Variants in FER1L6 observed in about 807,000 individuals in gnomAD.
FER1L6 encodes fer-1-like protein 6.
A neutral mutation model predicts 219.2 loss-of-function variants in FER1L6; 177 were observed. That is an observed-to-expected ratio of 0.81 (90% CI 0.71 to 0.91). FER1L6 has a LOEUF of 0.91. FER1L6 is among the 40% of genes least tolerant of loss of function. The pLI, the probability that FER1L6 is intolerant of heterozygous loss-of-function variation, is 0.00. For missense variants in FER1L6, 2,153 were observed against 2,259.9 expected, an observed-to-expected ratio of 0.95 and a Z score of 0.96; for synonymous variants, 768 against 824.3, an observed-to-expected ratio of 0.93 and a Z score of 1.17.
chr8:123,922,975 C>T (rs553644669), intron 1 of FER1L6, among the ~76,000 whole-genome samples: 51 of 151,370 alleles, frequency 3.4e-4, no homozygotes, highest in African/African-American at 9.6e-4. Flanking sequence ...TTATACAGCC[C>T]CCCCCCAGAC....
At chr8:123,969,134 C>T (rs1188799511) in intron 5 of FER1L6, among the ~76,000 whole-genome samples, 1 of 152,094 alleles carries the variant, frequency 6.6e-6, no homozygotes, top group Non-Finnish European at 1.5e-5. Flanking sequence ...AAGGTTTGGT[C>T]CCAGACCCAA....
At chr8:123,939,210 A>G (rs1015317476) in intron 1 of FER1L6, 6 of 984,250 alleles carry the variant, frequency 6.1e-6, no homozygotes, top group Non-Finnish European at 7.2e-6. Context: ...TAAATAACAC[A>G]TCTTGTCCAT....
chr8:124,095,143 A>G (rs1822225402), intron 35 of FER1L6, 105 bp downstream of exon 35: 1 of 1,426,426 alleles, frequency 7.0e-7, no homozygotes, highest in Non-Finnish European at 9.5e-7. Context: ...ACATTTAGCA[A>G]TGTCTGGAAT....
At chr8:124,063,410 T>C (rs1820681294) in intron 25 of FER1L6, among the ~76,000 whole-genome samples, 1 of 152,242 alleles carries the variant, frequency 6.6e-6, no homozygotes, top group African/African-American at 2.4e-5. Flanking sequence ...TTCTGCTAGC[T>C]TTATAGTTTT....
rs763112428 is a variant in FER1L6 at position 123,853,072 on chromosome 8, G to A, written c.-8+887G>A. On this transcript the variant is annotated intron_variant, in intron 1 of 40. Coordinates refer to ENST00000522917, the MANE Select transcript of FER1L6 (RefSeq NM_001039112.2). This position sits in a 1 kb window ranked among gnomAD's most constrained non-coding sequence, Gnocchi z 6.6. ...TTGCTCAGGTTGGTCTCAAACTCCTGGGCTCAAGCGATCCTCCTGCCTCAG... is the reference window on the plus strand; with the variant it reads ...TTGCTCAGGTTGGTCTCAAACTCCTAGGCTCAAGCGATCCTCCTGCCTCAG... 2.2e-4 allele frequency among the ~76,000 whole-genome samples: 34 copies of A among 152,158 alleles called. No individual in the cohort carries two copies. Among genetic ancestry groups the A allele is most frequent in the South Asian group, 8.3e-4 (4 of 4,836 alleles).
At chr8:123,992,224 A>C (rs1256937834) in intron 12 of FER1L6, among the ~76,000 whole-genome samples, 1 of 152,196 alleles carries the variant, frequency 6.6e-6, no homozygotes, top group Non-Finnish European at 1.5e-5. Context: ...AGAATGAGTT[A>C]GAAATAATTC....
intron 2 of FER1L6, among the ~76,000 whole-genome samples, chr8:123,958,441 G>T (rs1249975674): frequency 6.6e-6 from 1 of 152,178 alleles, no homozygotes; most frequent in Non-Finnish European, 1.5e-5. Flanking sequence ...ACAGGAGGGA[G>T]GCTGACCCCA....
At chr8:124,049,816 C>G in intron 22 of FER1L6, 60 bp downstream of exon 22, 1 of 1,539,092 alleles carries the variant, frequency 6.5e-7, no homozygotes, top group Non-Finnish European at 9.0e-7. Flanking sequence ...GAAGTGGCCT[C>G]ACCACAAATG....
chr8:123,996,093 G>A (rs7844221), intron 12 of FER1L6, among the ~76,000 whole-genome samples: 4,332 of 152,178 alleles, frequency 0.028, 116 homozygotes, highest in African/African-American at 0.069. Flanking sequence ...CTGTCCTTGA[G>A]AATGATCCAT....
rs1264254333 is a variant in FER1L6 at position 124,013,517 on chromosome 8, C to A, written c.1908C>A (p.Phe636Leu). Residue 636 changes from phenylalanine (F) to leucine (L), a missense_variant, in exon 15 of 41, where the codon TTC (phenylalanine) becomes TTA (leucine). Physicochemically the swap from Phe to Leu is conservative, Grantham distance 22 (BLOSUM62 0). Coordinates refer to ENST00000522917, the MANE Select transcript of FER1L6 (RefSeq NM_001039112.2). ...AAATGAAAACAGTGCTCAGTGACTT[C>A]ATCAGTCGGAGCAGGTACCGGGAGA... ...EEKMKTVLSDFISRSSAFISE... is the reference protein window; with the variant it reads ...EEKMKTVLSDLISRSSAFISE... 1 of 1,606,292 alleles carries A rather than the reference C, an allele frequency of 6.2e-7. No individual in the cohort carries two copies.
chr8:124,020,148 G>T (rs1329611669), intron 16 of FER1L6, among the ~76,000 whole-genome samples: 1 of 152,150 alleles, frequency 6.6e-6, no homozygotes, highest in Non-Finnish European at 1.5e-5. Flanking sequence ...CCCTGCACAA[G>T]CTCTGTTTAT....
intron 1 of FER1L6, among the ~76,000 whole-genome samples, chr8:123,941,468 G>A (rs1814237729): frequency 1.3e-5 from 2 of 152,186 alleles, no homozygotes; most frequent in Admixed American, 1.3e-4. Context: ...GGAAGGTGGT[G>A]TGGCCAGAGC....
At chr8:123,995,395 A>G (rs1458440669) in intron 12 of FER1L6, among the ~76,000 whole-genome samples, 1 of 152,088 alleles carries the variant, frequency 6.6e-6, no homozygotes, top group Non-Finnish European at 1.5e-5. Flanking sequence ...TTATGATTCA[A>G]TCTTGGTAGG....
chr8:124,030,674 C>G (rs1818919168), intron 18 of FER1L6, among the ~76,000 whole-genome samples: 1 of 152,112 alleles, frequency 6.6e-6, no homozygotes, highest in East Asian at 1.9e-4. Flanking sequence ...GAGTCCATCT[C>G]CTGTTCTCCA....
chr8:123,875,662 T>A (rs1039763913), intron 1 of FER1L6, among the ~76,000 whole-genome samples: 2 of 152,238 alleles, frequency 1.3e-5, no homozygotes, highest in Non-Finnish European at 2.9e-5. Flanking sequence ...CATCAAGATC[T>A]TCATAGCAGG....
At chr8:124,018,067 A>C (rs2130611255) in intron 16 of FER1L6, among the ~76,000 whole-genome samples, 1 of 152,332 alleles carries the variant, frequency 6.6e-6, no homozygotes, top group East Asian at 1.9e-4. Flanking sequence ...CCTTGACTTC[A>C]GGTTCCTCCT....
chr8:124,016,753 C>G (rs1232690763), intron 15 of FER1L6, among the ~76,000 whole-genome samples: 1 of 152,204 alleles, frequency 6.6e-6, no homozygotes, highest in Non-Finnish European at 1.5e-5. Context: ...ATATATTTAA[C>G]TAGTCCCTAA....
chr8:124,010,722 ACT>A lies in FER1L6; in HGVS notation c.1821+11_1821+12del. The A allele has an allele frequency of 1.2e-6, 2 of 1,612,694 alleles. No homozygotes were observed. The highest frequency in any genetic ancestry group is 2.2e-5 in the East Asian group (1 of 44,848). Reference sequence around the variant, plus strand: ...AAAATGGCAGACTTCCTGGTAGGTGACTCTGACAGGTGATGGATTAGAGAATT... The same window carrying A: ...AAAATGGCAGACTTCCTGGTAGGTGACTGACAGGTGATGGATTAGAGAATT... On this transcript the variant is annotated intron_variant, in intron 14 of 40. Transcript: ENST00000522917.
intron 31 of FER1L6, 106 bp downstream of exon 31, chr8:124,071,737 C>A: frequency 7.2e-7 from 1 of 1,392,308 alleles, no homozygotes; most frequent in East Asian, 2.4e-5. Flanking sequence ...TTTACTTTCC[C>A]ACAGTTTTGA....
Sources: gnomAD v4.1 joint callset for allele counts (sites outside exome capture counted in the v4.1 genomes callset) on GRCh38, gnomAD v4.1.1 for gene constraint, Gnocchi (gnomAD v3.1) non-coding constraint, MANE v1.5 for transcripts, NCBI Gene and HGNC (gene_info 2026-07-23, HGNC 2026-07-21) for gene names.